NCOR1: variants seen among roughly 807,000 people sequenced by gnomAD.
NCOR1 encodes protein phosphatase 1, regulatory subunit 109.
Under a neutral mutation model 288.1 loss-of-function variants are expected in NCOR1, and 63 were observed. The observed-to-expected ratio is 0.22, with a 90% CI of 0.18 to 0.27. The LOEUF (loss-of-function observed/expected upper bound fraction) is 0.27. Ranked by LOEUF, NCOR1 falls within the 10% of genes least tolerant of loss-of-function variation. NCOR1 has a pLI of 1.00. For synonymous variants in NCOR1, 1,007 were observed against 1,065.9 expected (o/e 0.94, Z 1.08); for missense variants, 2,397 against 3,019.2 (o/e 0.79, Z 4.83).
chr17:16,182,694 C>T (rs1298896894), intron 3 of NCOR1, among the ~76,000 whole-genome samples: 2 of 152,124 alleles, frequency 1.3e-5, no homozygotes, highest in Non-Finnish European at 1.5e-5. Context: ...CCTCGTGATC[C>T]GTCCACCTTG....
intron 2 of NCOR1, among the ~76,000 whole-genome samples, chr17:16,189,197 A>G (rs1204848611): frequency 6.6e-6 from 1 of 151,704 alleles, no homozygotes; most frequent in Non-Finnish European, 1.5e-5. Context: ...AGCTTCACAC[A>G]AACCTGGCCA....
intron 17 of NCOR1, among the ~76,000 whole-genome samples, chr17:16,118,932 C>T (rs1001399703): frequency 1.3e-5 from 2 of 152,176 alleles, no homozygotes; most frequent in African/African-American, 4.8e-5. Flanking sequence ...CTTCGCTGGC[C>T]TGGTTACAAA....
At chr17:16,072,824 T>C (rs1025615511) in intron 28 of NCOR1, among the ~76,000 whole-genome samples, 4 of 152,336 alleles carry the variant, frequency 2.6e-5, no homozygotes, top group East Asian at 1.9e-4. Context: ...TAGCTTAAAA[T>C]TGGTTGAGGC....
At chr17:16,088,173 ATT>A (rs1473722564) in intron 22 of NCOR1, among the ~76,000 whole-genome samples, 3 of 152,148 alleles carry the variant, frequency 2.0e-5, no homozygotes, top group African/African-American at 7.2e-5. Context: ...ATTTAAAATC[ATT>A]GAGTACTTCC....
intron 3 of NCOR1, among the ~76,000 whole-genome samples, chr17:16,180,273 A>G (rs776921859): frequency 6.6e-5 from 10 of 152,226 alleles, no homozygotes; most frequent in Non-Finnish European, 1.3e-4. Context: ...TCCAAAAGAC[A>G]ACAAATGTTG....
chr17:16,126,591 C>T (rs2074091174), intron 14 of NCOR1, among the ~76,000 whole-genome samples: 1 of 152,064 alleles, frequency 6.6e-6, no homozygotes, highest in Non-Finnish European at 1.5e-5. Context: ...TAATATGTTT[C>T]CAATTTTTTC....
Position 16,070,369 on chromosome 17 carries a change from C to T in NCOR1, c.4309G>A (p.Asp1437Asn), listed in dbSNP as rs1385866286. The change falls in exon 31 of 46, where the codon GAT (aspartate) becomes AAT (asparagine). Residue 1437 changes from aspartate (D) to asparagine (N), a missense_variant. By Grantham distance (23) the Asp-to-Asn change is conservative. Transcript: ENST00000268712. ...CGCACGGTCTCGCCTGCTTTCACAT[C>T]CTCATATTTTCCCCGTTCTACCACT... ...IKVVERGKYE[D>N]VKAGETVRSR... is the part of the protein sequence containing the mutation. The T allele has an allele frequency of 6.2e-7, 1 of 1,614,146 alleles. No individual in the cohort carries two copies. The highest frequency in any genetic ancestry group is 1.1e-5 in the South Asian group (1 of 91,070).
chr17:16,049,112 A>G (rs910993777), intron 40 of NCOR1, 124 bp from the exon 41 acceptor site: 3 of 1,042,310 alleles, frequency 2.9e-6, no homozygotes, highest in Non-Finnish European at 2.7e-6. Context: ...TTTCTATCAG[A>G]AAAAAAGTTG....
intron 1 of NCOR1, among the ~76,000 whole-genome samples, chr17:16,196,211 A>C (rs2089759524): frequency 6.6e-6 from 1 of 151,012 alleles, no homozygotes; most frequent in African/African-American, 2.4e-5. Context: ...GTAAAGTTTT[A>C]ATTTTGTTTC....
chr17:16,088,254 T>C (rs8081667), intron 22 of NCOR1, among the ~76,000 whole-genome samples: 96,876 of 151,798 alleles, frequency 0.64, 32,408 homozygotes, highest in African/African-American at 0.84. Context: ...CAGGTGATGA[T>C]ATTTTATAAT....
At chr17:16,159,820 T>C (rs2080457785) in intron 5 of NCOR1, among the ~76,000 whole-genome samples, 1 of 151,998 alleles carries the variant, frequency 6.6e-6, no homozygotes, top group African/African-American at 2.4e-5. Context: ...CCTAGGAACC[T>C]TTCTGGGTCC....
rs57228948 is a variant in NCOR1 at position 16,203,040 on chromosome 17, T to TACACACACACAC, written c.-70-8413_-70-8402dup. 6.2e-3 allele frequency among the ~76,000 whole-genome samples: 914 copies of TACACACACACAC among 147,034 alleles called. 2 individuals carry two copies. Among genetic ancestry groups the TACACACACACAC allele is most frequent in the Middle Eastern group, 0.014 (4 of 286 alleles). The stretch of plus-strand genomic sequence containing the variant: ...AACAGCAAGTTGTTTAGCTGTTCCT[T>TACACACACACAC]ACACACACACACACACACACACACA... On this transcript the variant is annotated intron_variant, in intron 1 of 45. Transcript: ENST00000268712.
chr17:16,066,759 T>C (rs2152688019), intron 32 of NCOR1, among the ~76,000 whole-genome samples: 1 of 152,318 alleles, frequency 6.6e-6, no homozygotes, highest in Non-Finnish European at 1.5e-5. Context: ...TTTGATGGCA[T>C]TTACACAGCT....
intron 40 of NCOR1, among the ~76,000 whole-genome samples, chr17:16,052,860 G>T (rs1033586461): frequency 2.0e-5 from 3 of 152,056 alleles, no homozygotes; most frequent in Non-Finnish European, 4.4e-5. Flanking sequence ...CAAAATACTG[G>T]CAAACCAAAC....
chr17:16,184,147 A>G (rs1396344458), intron 3 of NCOR1, among the ~76,000 whole-genome samples: 1 of 152,234 alleles, frequency 6.6e-6, no homozygotes, highest in African/African-American at 2.4e-5. Flanking sequence ...ACGTAGGGAG[A>G]AAAGCTCTGG....
intron 14 of NCOR1, among the ~76,000 whole-genome samples, chr17:16,133,608 T>C (rs7224575): frequency 0.053 from 8,147 of 152,312 alleles, 276 homozygotes; most frequent in African/African-American, 0.11. Flanking sequence ...TATTCTAACC[T>C]TTTTTCTATA....
chr17:16,105,363 G>C (rs1430080426), intron 19 of NCOR1, among the ~76,000 whole-genome samples: 1 of 152,050 alleles, frequency 6.6e-6, no homozygotes, highest in East Asian at 1.9e-4. Context: ...GCTGCAGTGA[G>C]CCACGATCGA....
At chr17:16,215,261 C>T in intron 1 of NCOR1, 101 bp downstream of exon 1, 1 of 387,108 alleles carries the variant, frequency 2.6e-6, no homozygotes, top group East Asian at 3.7e-5. Context: ...CCCCGCCCGG[C>T]GGAGAAACCG....
chr17:16,074,854 T>A (rs760367092), intron 27 of NCOR1, among the ~76,000 whole-genome samples: 12 of 152,202 alleles, frequency 7.9e-5, no homozygotes, highest in Non-Finnish European at 1.6e-4. Flanking sequence ...CAGAATATTA[T>A]CTACCTTCTA....
Sources: allele counts gnomAD v4.1 joint callset (sites outside exome capture counted in the v4.1 genomes callset), GRCh38; gene constraint gnomAD v4.1.1; transcripts MANE v1.5; gene names NCBI Gene and HGNC (gene_info 2026-07-23, HGNC 2026-07-21).